The following QTMAN variants were observed in gnomAD, a reference collection of about 807,000 sequenced individuals.
QTMAN encodes the protein tRNA-queuosine alpha-mannosyltransferase.
the QTMAN span, among the ~76,000 whole-genome samples, chr2:143,962,911 C>G: frequency 6.6e-6 from 1 of 152,172 alleles, no homozygotes; most frequent in Non-Finnish European, 1.5e-5. Flanking sequence ...TGTTGCCCCA[C>G]AAGTGGGCTA....
the QTMAN span, among the ~76,000 whole-genome samples, chr2:143,988,062 C>T: frequency 6.6e-6 from 1 of 152,164 alleles, no homozygotes; most frequent in East Asian, 1.9e-4. Context: ...GAGGTAGCAG[C>T]TTTGCAGGCA....
At chr2:144,105,969 T>C in the QTMAN span, among the ~76,000 whole-genome samples, 2 of 151,966 alleles carry the variant, frequency 1.3e-5, no homozygotes, top group African/African-American at 2.4e-5. Flanking sequence ...TTAAAGAAAA[T>C]AATTTTCAAC....
At chr2:144,322,463 G>C in the QTMAN span, among the ~76,000 whole-genome samples, 1 of 152,008 alleles carries the variant, frequency 6.6e-6, no homozygotes, top group Non-Finnish European at 1.5e-5. Context: ...AAACAAAAAA[G>C]CTTTGTGTGA....
the QTMAN span, among the ~76,000 whole-genome samples, chr2:144,286,229 C>T: frequency 9.9e-5 from 15 of 152,116 alleles, no homozygotes; most frequent in African/African-American, 3.1e-4. Context: ...ACAAATTATG[C>T]CAAATGAACC....
chr2:144,071,701 A>G, the QTMAN span, among the ~76,000 whole-genome samples: 1 of 152,158 alleles, frequency 6.6e-6, no homozygotes, highest in Non-Finnish European at 1.5e-5. Context: ...CATCTTCTCT[A>G]AATTTCTGGG....
the QTMAN span, among the ~76,000 whole-genome samples, chr2:144,133,186 TAA>T: frequency 2.7e-5 from 2 of 72,900 alleles, no homozygotes; most frequent in African/African-American, 1.3e-4. Context: ...ATATATAATA[TAA>T]ATTTATATAT....
the QTMAN span, among the ~76,000 whole-genome samples, chr2:144,131,748 C>A: frequency 2.3e-3 from 343 of 152,070 alleles, 1 homozygote; most frequent in Non-Finnish European, 3.4e-3. Context: ...CAAGAAATAA[C>A]ATGGCATTAA....
chr2:144,174,308 A>G, the QTMAN span, among the ~76,000 whole-genome samples: 3 of 152,148 alleles, frequency 2.0e-5, no homozygotes, highest in Non-Finnish European at 4.4e-5. Context: ...CCTTGCACCA[A>G]GATCTAGAAA....
chr2:144,036,330 T>A, the QTMAN span, among the ~76,000 whole-genome samples: 1 of 152,228 alleles, frequency 6.6e-6, no homozygotes, highest in East Asian at 1.9e-4. Flanking sequence ...TTATTACATA[T>A]GTAGAGATGC....
At chr2:144,161,339 G>T in the QTMAN span, among the ~76,000 whole-genome samples, 2 of 152,146 alleles carry the variant, frequency 1.3e-5, no homozygotes. Context: ...CCCTGTTGCA[G>T]AACCTCCCCA....
the QTMAN span, among the ~76,000 whole-genome samples, chr2:144,133,344 TTA>T: frequency 9.2e-5 from 5 of 54,460 alleles, no homozygotes; most frequent in South Asian, 2.1e-3. Context: ...TAAATATATA[TTA>T]TATATGTATA....
the QTMAN span, among the ~76,000 whole-genome samples, chr2:144,152,754 A>C: frequency 6.6e-6 from 1 of 152,212 alleles, no homozygotes; most frequent in Non-Finnish European, 1.5e-5. Context: ...AAATCTTTTG[A>C]CTTGGCAATT....
the QTMAN span, among the ~76,000 whole-genome samples, chr2:144,247,764 C>A: frequency 1.1e-4 from 17 of 152,288 alleles, no homozygotes; most frequent in South Asian, 2.3e-3. Context: ...GCCTTGACTT[C>A]CCGGGCTCAG....
At chr2:144,316,726 T>C in the QTMAN span, among the ~76,000 whole-genome samples, 1 of 152,180 alleles carries the variant, frequency 6.6e-6, no homozygotes, top group Non-Finnish European at 1.5e-5. Context: ...TCTACAACAC[T>C]AACATGAAGT....
the QTMAN span, among the ~76,000 whole-genome samples, chr2:144,178,043 T>A: frequency 6.6e-6 from 1 of 152,110 alleles, no homozygotes; most frequent in South Asian, 2.1e-4. Flanking sequence ...TCCACAAAGG[T>A]AGGGAACAGG....
chr2:143,986,738 A>G, the QTMAN span, among the ~76,000 whole-genome samples: 20 of 152,242 alleles, frequency 1.3e-4, no homozygotes, highest in African/African-American at 4.6e-4. Context: ...GACATAACAC[A>G]TTAAGATATT....
chr2:143,982,205 G>A, the QTMAN span, among the ~76,000 whole-genome samples: 2 of 151,590 alleles, frequency 1.3e-5, no homozygotes, highest in African/African-American at 4.8e-5. Flanking sequence ...AGTGAGTATC[G>A]AACAATTTCT....
the QTMAN span, among the ~76,000 whole-genome samples, chr2:144,323,115 A>G: frequency 6.6e-6 from 1 of 152,178 alleles, no homozygotes; most frequent in Non-Finnish European, 1.5e-5. Context: ...CAAATTTCTA[A>G]GTCTAAATAG....
At chr2:143,970,728 C>T in the QTMAN span, 1 of 1,605,140 alleles carries the variant, frequency 6.2e-7, no homozygotes, top group Non-Finnish European at 8.5e-7. Flanking sequence ...TGCATTAATA[C>T]CTTAAAAAAG....
Sources: allele counts gnomAD v4.1 joint callset (sites outside exome capture counted in the v4.1 genomes callset), GRCh38; gene constraint gnomAD v4.1.1; transcripts MANE v1.5; gene names NCBI Gene and HGNC (gene_info 2026-07-23, HGNC 2026-07-21).